Variants in RAD54B observed in about 807,000 individuals in gnomAD.
RAD54B encodes RAD54 homolog B.
In RAD54B, 78 loss-of-function variants were observed where a neutral mutation model predicts 95.8. The ratio of observed to expected loss-of-function variants is 0.81; its 90% CI spans 0.68 to 0.98. RAD54B has a LOEUF of 0.98. Among genes scored for constraint, RAD54B ranks in the 50% least tolerant of loss-of-function variants. The probability of loss-of-function intolerance (pLI) is 0.00; values close to 1 mark genes in which losing one functional copy is unlikely to be tolerated. For missense variants in RAD54B, 957 were observed against 1,056.6 expected, an observed-to-expected ratio of 0.91 and a Z score of 1.31; for synonymous variants, 328 against 354.9, an observed-to-expected ratio of 0.92 and a Z score of 0.85.
At chr8:94,415,471 T>C (rs1424680738) in intron 3 of RAD54B, among the ~76,000 whole-genome samples, 1 of 149,322 alleles carries the variant, frequency 6.7e-6, no homozygotes, top group Non-Finnish European at 1.5e-5. Flanking sequence ...GGACTTCATG[T>C]CTAAAACACC....
chr8:94,433,005 T>G (rs1563655439), intron 3 of RAD54B, among the ~76,000 whole-genome samples: 1 of 152,206 alleles, frequency 6.6e-6, no homozygotes, highest in East Asian at 1.9e-4. Flanking sequence ...TTTCAAATGG[T>G]GTACAGAGCC....
chr8:94,418,750 C>T (rs1001190735), intron 3 of RAD54B, among the ~76,000 whole-genome samples: 6 of 152,186 alleles, frequency 3.9e-5, no homozygotes, highest in Non-Finnish European at 7.4e-5. Context: ...TCCCATTCAG[C>T]ATAATGTCTT....
intron 3 of RAD54B, among the ~76,000 whole-genome samples, chr8:94,448,483 G>A (rs1812573138): frequency 6.6e-6 from 1 of 152,104 alleles, no homozygotes; most frequent in Non-Finnish European, 1.5e-5. Flanking sequence ...CAAAGGAGAT[G>A]AAATCACCAT....
At chr8:94,378,518 T>C in intron 13 of RAD54B, 50 bp downstream of exon 13, 1 of 1,510,288 alleles carries the variant, frequency 6.6e-7, no homozygotes, top group South Asian at 1.2e-5. Context: ...CAAAAAATAA[T>C]TTTAATTATT....
chr8:94,455,159 C>T (rs2130170614), intron 3 of RAD54B, among the ~76,000 whole-genome samples: 1 of 152,328 alleles, frequency 6.6e-6, no homozygotes, highest in Admixed American at 6.5e-5. Flanking sequence ...TTCCATTCAT[C>T]ACATATCCAT....
intron 12 of RAD54B, among the ~76,000 whole-genome samples, chr8:94,379,353 C>A (rs1378523085): frequency 2.0e-5 from 3 of 152,134 alleles, no homozygotes; most frequent in Admixed American, 6.5e-5. Context: ...ATTCTGGACA[C>A]CAAGACGTGG....
chr8:94,422,617 A>AAT (rs1166692675), intron 3 of RAD54B, among the ~76,000 whole-genome samples: 2,350 of 43,522 alleles, frequency 0.054, 96 homozygotes, highest in East Asian at 0.069. Context: ...AAAAAAAAAA[A>AAT]ATATATATAT....
intron 4 of RAD54B, among the ~76,000 whole-genome samples, chr8:94,408,685 T>C (rs1274116044): frequency 6.6e-6 from 1 of 151,578 alleles, no homozygotes; most frequent in Non-Finnish European, 1.5e-5. Flanking sequence ...TGCTCTGATA[T>C]AGGAAGAAAT....
In RAD54B at chr8:94,399,416, G is replaced by T. The variant is rs576696900; in HGVS notation, c.1376C>A (p.Thr459Asn). ...TCTTCCCCAAACTGAATACTGACCA[G>T]TTAGAATTATTCTTTTCTCACAAGA... is the stretch of plus-strand genomic sequence containing the variant. The part of the protein sequence containing the change: ...SLSCEKRIIL[T>N]GTPIQNDLQE... The change falls in exon 8 of 15, where the codon ACT (threonine) becomes AAT (asparagine). Residue 459 changes from threonine to asparagine, a missense_variant and splice_region_variant. By Grantham distance (65) the Thr-to-Asn change is moderately conservative. Coordinates refer to ENST00000336148, the MANE Select transcript of RAD54B (RefSeq NM_012415.3). 6.2e-5 allele frequency: 100 copies of T among 1,612,208 alleles called. No homozygotes were observed. Among genetic ancestry groups the T allele is most frequent in the Non-Finnish European group, 7.6e-5 (90 of 1,178,814 alleles).
At chr8:94,467,273 T>C in intron 2 of RAD54B, 132 bp downstream of exon 2, 2 of 812,700 alleles carry the variant, frequency 2.5e-6, no homozygotes, top group Non-Finnish European at 3.6e-6. Flanking sequence ...ATTTCCAAGG[T>C]TTTTAGAAGA....
chr8:94,451,548 G>A (rs993495483), intron 3 of RAD54B, among the ~76,000 whole-genome samples: 2 of 152,100 alleles, frequency 1.3e-5, no homozygotes, highest in Admixed American at 1.3e-4. Context: ...TTATGGTGAA[G>A]AAACCCTGCT....
intron 2 of RAD54B, among the ~76,000 whole-genome samples, chr8:94,459,544 T>C (rs2919659): frequency 0.31 from 47,225 of 151,702 alleles, 7,772 homozygotes; most frequent in East Asian, 0.43. Flanking sequence ...GGGAGGGACT[T>C]GAGCTGGAGT....
chr8:94,387,758 T>C (rs1810924394), intron 10 of RAD54B, among the ~76,000 whole-genome samples: 1 of 152,198 alleles, frequency 6.6e-6, no homozygotes, highest in Admixed American at 6.5e-5. Context: ...ATAAATTTAT[T>C]CCAAGGTGAT....
intron 14 of RAD54B, among the ~76,000 whole-genome samples, chr8:94,374,017 C>T (rs184994580): frequency 9.9e-5 from 15 of 152,212 alleles, no homozygotes; most frequent in African/African-American, 2.6e-4. Flanking sequence ...CAGTGGCTCA[C>T]GCCTGTAATC....
chr8:94,437,829 A>G (rs1812304656), intron 3 of RAD54B, among the ~76,000 whole-genome samples: 1 of 152,216 alleles, frequency 6.6e-6, no homozygotes, highest in African/African-American at 2.4e-5. Flanking sequence ...TAGTCTAGCC[A>G]TTTTCAAGGC....
At chr8:94,396,745 A>G (rs933763103) in intron 8 of RAD54B, among the ~76,000 whole-genome samples, 3 of 152,116 alleles carry the variant, frequency 2.0e-5, no homozygotes, top group Non-Finnish European at 2.9e-5. Flanking sequence ...TAAAATTCCT[A>G]TGTTGAAGCT....
At chr8:94,449,661 T>A (rs1812609570) in intron 3 of RAD54B, among the ~76,000 whole-genome samples, 1 of 151,190 alleles carries the variant, frequency 6.6e-6, no homozygotes, top group Non-Finnish European at 1.5e-5. Flanking sequence ...GAGAATTTGA[T>A]AACCCAACCT....
chr8:94,377,520 A>G (rs1810611853), intron 14 of RAD54B, among the ~76,000 whole-genome samples: 4 of 141,648 alleles, frequency 2.8e-5, no homozygotes, highest in African/African-American at 2.7e-5. Context: ...TGGGCAACAG[A>G]GCAACAGAGC....
chr8:94,388,533 C>G (rs1409624979), intron 10 of RAD54B, among the ~76,000 whole-genome samples: 1 of 152,094 alleles, frequency 6.6e-6, no homozygotes, highest in Non-Finnish European at 1.5e-5. Context: ...GGGGTCAGCC[C>G]CCCTAACCCC....
Sources: gnomAD v4.1 joint callset for allele counts (sites outside exome capture counted in the v4.1 genomes callset) on GRCh38, gnomAD v4.1.1 for gene constraint, MANE v1.5 for transcripts, NCBI Gene and HGNC (gene_info 2026-07-23, HGNC 2026-07-21) for gene names.